Variants in RELN observed in about 807,000 individuals in gnomAD.
The protein encoded by RELN is reelin.
A neutral mutation model predicts 427.6 loss-of-function variants in RELN; 108 were observed. The ratio of observed to expected loss-of-function variants is 0.25; its 90% CI spans 0.22 to 0.30. The LOEUF is 0.30. Among genes scored for constraint, RELN ranks in the 10% least tolerant of loss-of-function variants. The probability of loss-of-function intolerance (pLI) is 1.00; values close to 1 mark genes in which losing one functional copy is unlikely to be tolerated. For synonymous variants in RELN, 1,524 were observed against 1,513.4 expected, an observed-to-expected ratio of 1.01 and a Z score of -0.16; for missense variants, 3,715 against 4,302.8, an observed-to-expected ratio of 0.86 and a Z score of 3.82.
intron 8 of RELN, among the ~76,000 whole-genome samples, chr7:103,718,032 T>C (rs1356169072): frequency 6.6e-6 from 1 of 152,174 alleles, no homozygotes; most frequent in Non-Finnish European, 1.5e-5. Flanking sequence ...ACAAGTGACA[T>C]TTTATCCTTT....
intron 1 of RELN, among the ~76,000 whole-genome samples, chr7:103,974,876 G>A (rs1796839183): frequency 6.6e-6 from 1 of 152,096 alleles, no homozygotes; most frequent in Non-Finnish European, 1.5e-5. Flanking sequence ...TATTTATGGC[G>A]CAGCATAGAG....
chr7:103,814,684 T>G (rs262372), intron 3 of RELN, among the ~76,000 whole-genome samples: 1 of 151,620 alleles, frequency 6.6e-6, no homozygotes, highest in African/African-American at 2.4e-5. Flanking sequence ...CAGAGGATCA[T>G]GGAGTGAAGG....
chr7:103,575,776 T>C (rs779057650), intron 28 of RELN, 71 bp from the exon 29 acceptor site: 595 of 1,561,716 alleles, frequency 3.8e-4, no homozygotes, highest in Middle Eastern at 5.2e-4. Flanking sequence ...TATAGAAAAA[T>C]TCAGAAAAAC....
In RELN at chr7:103,535,980, C is replaced by A. The variant is rs552833031; in HGVS notation, c.7181-496G>T. Reference sequence around the variant, plus strand: ...TAATGGTTAACATACAAATAAGGAACATATTATATATTTTAATAATTAGTG... The same window carrying A: ...TAATGGTTAACATACAAATAAGGAAAATATTATATATTTTAATAATTAGTG... On this transcript the variant is annotated intron_variant, in intron 45 of 64. Coordinates refer to ENST00000428762, the MANE Select transcript of RELN (RefSeq NM_005045.4). Among the ~76,000 whole-genome samples the A allele has an allele frequency of 2.6e-5, 4 of 151,848 alleles. No individual in the cohort carries two copies. In the South Asian group the frequency reaches 8.3e-4, roughly 32 times the overall value.
chr7:103,974,240 C>G (rs1796825107), intron 1 of RELN, among the ~76,000 whole-genome samples: 1 of 152,172 alleles, frequency 6.6e-6, no homozygotes, highest in Admixed American at 6.5e-5. Context: ...AGATCCAAAA[C>G]AACCCTGTGT....
At position 103,496,558 on chromosome 7, in the gene RELN, T is replaced by G. The variant is rs192043003; in HGVS notation, c.9161A>C (p.Asn3054Thr). 6.2e-7 allele frequency: 1 copy of G among 1,614,160 alleles called. No homozygotes were observed. The highest frequency in any genetic ancestry group is 1.3e-5 in the African/African-American group (1 of 75,052). ...DNILIGGAEI[N>T]PSQLVDTFDD... ...AAAAGTGTCCACCAATTGGCTGGGA[T>G]TGATTTCTGCTCCACCAATCAAAAT... Residue 3054 changes from asparagine to threonine, a missense_variant, in exon 56 of 65, where the codon AAT becomes ACT. Coordinates refer to ENST00000428762, the MANE Select transcript of RELN (RefSeq NM_005045.4).
At chr7:103,587,294 C>T (rs1451927660) in intron 28 of RELN, among the ~76,000 whole-genome samples, 1 of 152,104 alleles carries the variant, frequency 6.6e-6, no homozygotes, top group Non-Finnish European at 1.5e-5. Context: ...ACACCCTCTG[C>T]AATAAATGGT....
At position 103,658,203 on chromosome 7, in the gene RELN, C is replaced by T. The variant is rs988545921; in HGVS notation, c.1441+3173G>A. On this transcript the variant is annotated intron_variant, in intron 12 of 64. Transcript: ENST00000428762. ...TCAATATATGAATAAAGAAAATAGA[C>T]GTTGAACTGAACTTTGAAAGTTGAG... is the stretch of plus-strand genomic sequence containing the variant. Among the ~76,000 whole-genome samples the T allele has an allele frequency of 5.9e-5, 9 of 152,162 alleles. 1 individual carries two copies. In the South Asian group the frequency reaches 8.3e-4, roughly 14 times the overall value.
At chr7:103,972,627 C>G (rs1025153984) in intron 1 of RELN, among the ~76,000 whole-genome samples, 12 of 152,016 alleles carry the variant, frequency 7.9e-5, no homozygotes, top group African/African-American at 2.9e-4. Context: ...GGGCCATCAT[C>G]CATCAAAGAC....
intron 1 of RELN, among the ~76,000 whole-genome samples, chr7:103,964,691 C>T (rs1329829759): frequency 2.0e-5 from 3 of 152,220 alleles, no homozygotes; most frequent in Middle Eastern, 3.2e-3. Context: ...ACATGAAGCA[C>T]TTAACTTCTG....
At position 103,519,711 on chromosome 7, in the gene RELN, T is replaced by G. The variant is rs11971743; in HGVS notation, c.7669-195A>C. On this transcript the variant is annotated intron_variant, in intron 48 of 64. Coordinates refer to ENST00000428762, the MANE Select transcript of RELN (RefSeq NM_005045.4). ...GATCCTCCCACCTCAGCCTCCCAAGTGGCTGGGACTACGGGTACATGCCTC... is the reference window on the plus strand; with the variant it reads ...GATCCTCCCACCTCAGCCTCCCAAGGGGCTGGGACTACGGGTACATGCCTC... 0.17 allele frequency among the ~76,000 whole-genome samples: 26,391 copies of G among 151,752 alleles called. 2,321 individuals carry two copies. Among genetic ancestry groups the G allele is most frequent in the East Asian group, 0.27 (1,365 of 5,132 alleles).
intron 1 of RELN, among the ~76,000 whole-genome samples, chr7:103,980,122 T>C (rs1025805577): frequency 1.3e-5 from 2 of 150,124 alleles, no homozygotes; most frequent in African/African-American, 4.9e-5. Flanking sequence ...ATCATGCCAT[T>C]GCACTCCAGC....
chr7:103,806,907 T>C (rs1442649039), intron 3 of RELN, among the ~76,000 whole-genome samples: 2 of 152,116 alleles, frequency 1.3e-5, no homozygotes, highest in Non-Finnish European at 2.9e-5. Context: ...TGACACCTAG[T>C]GTTACAGGCT....
At chr7:103,807,556 T>C (rs1313815434) in intron 3 of RELN, among the ~76,000 whole-genome samples, 1 of 152,132 alleles carries the variant, frequency 6.6e-6, no homozygotes, top group African/African-American at 2.4e-5. Context: ...AATGATCCCA[T>C]CACCAAGGTA....
intron 45 of RELN, among the ~76,000 whole-genome samples, chr7:103,537,377 A>G (rs991068607): frequency 1.3e-5 from 2 of 152,100 alleles, no homozygotes. Context: ...AATCTTCGTG[A>G]AATACATCAT....
At chr7:103,960,644 AG>A (rs1294491360) in intron 1 of RELN, among the ~76,000 whole-genome samples, 1 of 152,240 alleles carries the variant, frequency 6.6e-6, no homozygotes, top group African/African-American at 2.4e-5. Context: ...AAGCAGGATT[AG>A]AGCAAATGCT....
chr7:103,615,572 C>G (rs1322179446), intron 20 of RELN, among the ~76,000 whole-genome samples: 1 of 152,108 alleles, frequency 6.6e-6, no homozygotes, highest in Non-Finnish European at 1.5e-5. Context: ...ACCTTTGAGT[C>G]AAGACCCTCT....
intron 3 of RELN, among the ~76,000 whole-genome samples, chr7:103,808,763 G>A (rs943576411): frequency 6.6e-6 from 1 of 152,060 alleles, no homozygotes; most frequent in Non-Finnish European, 1.5e-5. Context: ...GTAAAAAGAG[G>A]TAGAAATAGG....
intron 3 of RELN, among the ~76,000 whole-genome samples, chr7:103,809,483 A>C (rs1438936332): frequency 6.6e-6 from 1 of 152,138 alleles, no homozygotes; most frequent in African/African-American, 2.4e-5. Flanking sequence ...TTTATTCAAG[A>C]GGTTTAGACT....
Sources: gnomAD v4.1 joint callset for allele counts (sites outside exome capture counted in the v4.1 genomes callset) on GRCh38, gnomAD v4.1.1 for gene constraint, MANE v1.5 for transcripts, NCBI Gene and HGNC (gene_info 2026-07-23, HGNC 2026-07-21) for gene names.